INPP4B: variants seen among roughly 807,000 people sequenced by gnomAD.
The protein encoded by INPP4B is inositol polyphosphate 4-phosphatase type II.
INPP4B carries 55 observed loss-of-function variants against 122.5 expected under a neutral mutation model. The observed-to-expected ratio is 0.45, with a 90% CI of 0.36 to 0.56. The LOEUF (loss-of-function observed/expected upper bound fraction) is 0.56. Ranked by LOEUF, INPP4B falls within the 20% of genes least tolerant of loss-of-function variation. The probability of loss-of-function intolerance (pLI) is 0.00; values close to 1 mark genes in which losing one functional copy is unlikely to be tolerated. For missense variants in INPP4B, 1,000 were observed against 1,097.7 expected (o/e 0.91, Z 1.26); for synonymous variants, 403 against 388.7 (o/e 1.04, Z -0.43).
intron 21 of INPP4B, among the ~76,000 whole-genome samples, chr4:142,113,094 G>C (rs957135952): frequency 2.0e-5 from 3 of 151,902 alleles, no homozygotes; most frequent in African/African-American, 7.2e-5. Context: ...TGATTTTTTG[G>C]TATGGCTTGT....
chr4:142,729,469 C>A (rs1423143013), intron 1 of INPP4B, among the ~76,000 whole-genome samples: 2 of 152,058 alleles, frequency 1.3e-5, no homozygotes, highest in Non-Finnish European at 2.9e-5. Flanking sequence ...CCTTCTTTTC[C>A]AGCTAGTGAA....
chr4:142,388,045 C>G (rs1038373824), intron 7 of INPP4B, among the ~76,000 whole-genome samples: 1 of 152,212 alleles, frequency 6.6e-6, no homozygotes, highest in African/African-American at 2.4e-5. Context: ...TCCCCTTCCA[C>G]AAACAACTTC....
At chr4:142,630,898 G>A (rs935973729) in intron 2 of INPP4B, among the ~76,000 whole-genome samples, 3 of 152,076 alleles carry the variant, frequency 2.0e-5, no homozygotes, top group Admixed American at 6.6e-5. Flanking sequence ...TACTGGGACC[G>A]CAGCTTAGCT....
intron 23 of INPP4B, among the ~76,000 whole-genome samples, chr4:142,104,247 T>C (rs1325067770): frequency 6.6e-6 from 1 of 152,160 alleles, no homozygotes; most frequent in African/African-American, 2.4e-5. Context: ...TCAGAAGCCC[T>C]GAATCATGTA....
intron 2 of INPP4B, among the ~76,000 whole-genome samples, chr4:142,551,765 A>T (rs1035132985): frequency 6.6e-6 from 1 of 152,216 alleles, no homozygotes; most frequent in African/African-American, 2.4e-5. Flanking sequence ...CATATGGCCA[A>T]CAGAATGTCA....
intron 1 of INPP4B, among the ~76,000 whole-genome samples, chr4:142,790,840 T>G (rs1330564215): frequency 6.6e-6 from 1 of 152,026 alleles, no homozygotes; most frequent in Non-Finnish European, 1.5e-5. Flanking sequence ...ATTTTTTTCT[T>G]TTTAAGACCT....
intron 6 of INPP4B, 136 bp from the exon 7 acceptor site, chr4:142,403,190 G>C: frequency 1.5e-6 from 1 of 649,556 alleles, no homozygotes; most frequent in African/African-American, 1.8e-5. Flanking sequence ...GAAGAGATCT[G>C]AATTGTCAAA....
intron 2 of INPP4B, among the ~76,000 whole-genome samples, chr4:142,476,163 C>G (rs964727248): frequency 3.9e-5 from 6 of 152,126 alleles, no homozygotes; most frequent in African/African-American, 1.4e-4. Flanking sequence ...AACCTACAAG[C>G]CAGAACAGAC....
chr4:142,282,363 A>G (rs1751595964), intron 9 of INPP4B, among the ~76,000 whole-genome samples: 1 of 152,116 alleles, frequency 6.6e-6, no homozygotes, highest in African/African-American at 2.4e-5. Flanking sequence ...GGACTAGAAG[A>G]CCAAATCAGA....
intron 2 of INPP4B, among the ~76,000 whole-genome samples, chr4:142,633,128 G>A (rs576592962): frequency 7.9e-5 from 12 of 151,934 alleles, no homozygotes; most frequent in Non-Finnish European, 1.5e-4. Flanking sequence ...CAATCTCTAA[G>A]TCAAGAAAAA....
At chr4:142,358,336 G>T (rs902794629) in intron 7 of INPP4B, among the ~76,000 whole-genome samples, 4 of 151,742 alleles carry the variant, frequency 2.6e-5, no homozygotes, top group African/African-American at 4.8e-5. Flanking sequence ...TATTTATAGG[G>T]TGCACTGGGG....
intron 1 of INPP4B, among the ~76,000 whole-genome samples, chr4:142,746,637 G>C (rs762296500): frequency 2.6e-5 from 4 of 152,110 alleles, no homozygotes; most frequent in Non-Finnish European, 5.9e-5. Context: ...CAAGGCTACA[G>C]TAAGACAAAC....
At chr4:142,047,224 AAG>A (rs1560932143) in intron 25 of INPP4B, among the ~76,000 whole-genome samples, 1 of 151,800 alleles carries the variant, frequency 6.6e-6, no homozygotes, top group Non-Finnish European at 1.5e-5. Flanking sequence ...GATAGAAATA[AAG>A]AGTGTTTCAG....
chr4:142,719,171 A>G (rs900874782), intron 2 of INPP4B, among the ~76,000 whole-genome samples: 2 of 152,180 alleles, frequency 1.3e-5, no homozygotes, highest in East Asian at 3.8e-4. Context: ...ACTCACACCC[A>G]ATCACCTATG....
In INPP4B at chr4:142,693,710, C is replaced by A. The variant is rs188420138; in HGVS notation, c.-191+32129G>T. Reference sequence around the variant, plus strand: ...CCCTTGGTTTGAACAAGTGATGGTACAATATTCAGGCCTAATGTCTTCACG... The same window carrying A: ...CCCTTGGTTTGAACAAGTGATGGTAAAATATTCAGGCCTAATGTCTTCACG... On this transcript the variant is annotated intron_variant, in intron 2 of 25. Coordinates refer to ENST00000262992, the MANE Select transcript of INPP4B (RefSeq NM_001101669.3). Among the ~76,000 whole-genome samples the A allele has an allele frequency of 5.9e-5, 9 of 151,968 alleles. No homozygotes were observed. The East Asian group carries it at 1.7e-3, about 29-fold the overall frequency.
intron 1 of INPP4B, among the ~76,000 whole-genome samples, chr4:142,828,433 A>G (rs1053232538): frequency 6.6e-6 from 1 of 152,168 alleles, no homozygotes; most frequent in Non-Finnish European, 1.5e-5. Context: ...AGAATGAAAA[A>G]AATTGATTAC....
At position 142,029,533 on chromosome 4, in the gene INPP4B, T is replaced by G. The variant is rs557497706; in HGVS notation, c.2643-619A>C. On this transcript the variant is annotated intron_variant, in intron 25 of 25. Transcript: ENST00000262992. ...ACAAACAAGACCTTGTTAAAAAGAATAGAAAAGTCCTCTGAAAGCCAAATC... is the reference window on the plus strand; with the variant it reads ...ACAAACAAGACCTTGTTAAAAAGAAGAGAAAAGTCCTCTGAAAGCCAAATC... 4.7e-5 allele frequency: 46 copies of G among 985,508 alleles called. No individual in the cohort carries two copies. The Middle Eastern group carries it at 1.6e-3, about 34-fold the overall frequency. 61.0% of individuals were successfully genotyped at this position (985,508 alleles called of 1,614,324 possible).
intron 2 of INPP4B, among the ~76,000 whole-genome samples, chr4:142,693,483 T>TAAAAAAAAAAAAAAA (rs554003993): frequency 1.9e-5 from 1 of 52,396 alleles, no homozygotes; most frequent in African/African-American, 7.8e-5. Context: ...TGCCTTTTTC[T>TAAAAAAAAAAAAAAA]AAAAAAAAAA....
At chr4:142,451,233 T>C (rs896990904) in intron 3 of INPP4B, among the ~76,000 whole-genome samples, 1 of 151,388 alleles carries the variant, frequency 6.6e-6, no homozygotes, top group Non-Finnish European at 1.5e-5. Context: ...AGTTTCCCTT[T>C]TTTGTTGCTG....
Sources: gnomAD v4.1 joint callset for allele counts (sites outside exome capture counted in the v4.1 genomes callset) on GRCh38, gnomAD v4.1.1 for gene constraint, MANE v1.5 for transcripts, NCBI Gene and HGNC (gene_info 2026-07-23, HGNC 2026-07-21) for gene names.